Variants in XRCC5 observed in about 807,000 individuals in gnomAD.
The protein encoded by XRCC5 is DNA repair protein Ku80.
A neutral mutation model predicts 95.7 loss-of-function variants in XRCC5; 12 were observed. That is an observed-to-expected ratio of 0.13 (90% CI 0.08 to 0.20). XRCC5 has a LOEUF of 0.20. Among genes scored for constraint, XRCC5 ranks in the 10% least tolerant of loss-of-function variants. XRCC5 has a pLI of 1.00. For synonymous variants in XRCC5, 281 were observed against 290.3 expected (o/e 0.97, Z 0.33); for missense variants, 595 against 873.9 (o/e 0.68, Z 4.02).
chr2:216,173,844 G>C (rs903755808), intron 16 of XRCC5, among the ~76,000 whole-genome samples: 8 of 152,052 alleles, frequency 5.3e-5, no homozygotes, highest in African/African-American at 1.9e-4. Flanking sequence ...TCCAGCTGCC[G>C]GTGTCATGCT....
intron 8 of XRCC5, 128 bp downstream of exon 8, chr2:216,127,802 A>G: frequency 1.8e-6 from 2 of 1,119,930 alleles, no homozygotes; most frequent in South Asian, 1.8e-5. Flanking sequence ...TAACAGTTTG[A>G]AAGGATAATG....
intron 2 of XRCC5, 131 bp from the exon 3 acceptor site, chr2:216,116,528 C>G (rs1696700575): frequency 1.1e-6 from 1 of 933,348 alleles, no homozygotes; most frequent in Non-Finnish European, 1.7e-6. Context: ...ATGTTTCATC[C>G]CGCCCAATAC....
chr2:216,171,350 T>C (rs993677406), intron 16 of XRCC5, among the ~76,000 whole-genome samples: 7 of 152,134 alleles, frequency 4.6e-5, no homozygotes, highest in Non-Finnish European at 7.4e-5. Flanking sequence ...TGCTTGCTTC[T>C]TTGGCCAGAA....
intron 20 of XRCC5, 43 bp from the exon 21 acceptor site, chr2:216,205,138 GGTATGAA>G (rs1689918931): frequency 6.2e-7 from 1 of 1,609,782 alleles, no homozygotes; most frequent in Admixed American, 1.7e-5. Context: ...GAGAAGCAGT[GGTATGAA>G]ATTGGCCTGA....
At chr2:216,132,829 C>T (rs1487448072) in intron 10 of XRCC5, among the ~76,000 whole-genome samples, 2 of 152,168 alleles carry the variant, frequency 1.3e-5, no homozygotes, top group Admixed American at 1.3e-4. Context: ...TGGTTTTTCT[C>T]TAGCTAACAG....
intron 16 of XRCC5, among the ~76,000 whole-genome samples, chr2:216,188,270 A>G (rs970465269): frequency 2.6e-5 from 4 of 152,228 alleles, no homozygotes; most frequent in Admixed American, 6.5e-5. Flanking sequence ...TTAAAAATTC[A>G]AACCAATTAA....
At chr2:216,184,974 TC>T (rs1332594347) in intron 16 of XRCC5, among the ~76,000 whole-genome samples, 2 of 152,296 alleles carry the variant, frequency 1.3e-5, no homozygotes, top group African/African-American at 4.8e-5. Flanking sequence ...TCTAAAGACT[TC>T]CTACTGGGTT....
chr2:216,198,234 A>G (rs897972178), intron 19 of XRCC5, among the ~76,000 whole-genome samples: 13 of 152,206 alleles, frequency 8.5e-5, no homozygotes, highest in Admixed American at 5.9e-4. Context: ...TCTTGGACCA[A>G]TCATTTCTAA....
At chr2:216,204,499 TTTTAA>T in intron 20 of XRCC5, 103 bp downstream of exon 20, 1 of 1,313,402 alleles carries the variant, frequency 7.6e-7, no homozygotes, top group Non-Finnish European at 1.1e-6. Context: ...CTTATTTGTG[TTTTAA>T]TTTCCAATAC....
At chr2:216,156,872 C>G in intron 14 of XRCC5, 1 of 339,346 alleles carries the variant, frequency 2.9e-6, no homozygotes, top group South Asian at 2.6e-5. Context: ...ATGCTGGGCT[C>G]GGTGCCCACT....
chr2:216,204,116 T>A, intron 19 of XRCC5: 1 of 577,970 alleles, frequency 1.7e-6, no homozygotes, highest in Non-Finnish European at 3.1e-6. Context: ...TGAGTTAGTA[T>A]GGACTACTTG....
At chr2:216,199,808 A>AATT (rs1553581435) in intron 19 of XRCC5, among the ~76,000 whole-genome samples, 4 of 121,890 alleles carry the variant, frequency 3.3e-5, no homozygotes, top group East Asian at 2.6e-4. Flanking sequence ...TGGCATTGGG[A>AATT]TCTTTTTTTT....
In XRCC5 at chr2:216,192,698, T is replaced by A; in HGVS notation, c.2004T>A (p.Ile668=). 1.9e-6 allele frequency: 3 copies of A among 1,600,116 alleles called. No homozygotes were observed. Among genetic ancestry groups the A allele is most frequent in the Non-Finnish European group, 2.6e-6 (3 of 1,173,006 alleles). ...FLKALQEKVE[I]KQLNHFWEIV... ...AAGCCCTTCAAGAGAAAGTGGAAAT[T>A]AAACAATTAAATCATTTCTGGGAAA... The change falls in exon 18 of 21, where the codon ATT becomes ATA. Residue 668 remains isoleucine (I), a synonymous_variant. Transcript: ENST00000392132.
At position 216,190,271 on chromosome 2, in the gene XRCC5, T is replaced by C. The variant is rs1689590972; in HGVS notation, c.1881T>C (p.Asn627=). The C allele has an allele frequency of 6.2e-7, 1 of 1,614,008 alleles. No homozygotes were observed. Among genetic ancestry groups the C allele is most frequent in the Non-Finnish European group, 8.5e-7 (1 of 1,179,928 alleles). Residue 627 remains asparagine, a synonymous_variant, in exon 17 of 21, where the codon AAT becomes AAC. Transcript: ENST00000392132. The part of the protein sequence containing the change: ...INHIEQFLDT[N]ETPYFMKSID... ...ACATCGAACAGTTTTTGGATACTAA[T>C]GAAACACCGTATTTTATGAAGAGCA...
At chr2:216,188,348 A>G (rs1182837441) in intron 16 of XRCC5, among the ~76,000 whole-genome samples, 1 of 152,252 alleles carries the variant, frequency 6.6e-6, no homozygotes, top group African/African-American at 2.4e-5. Flanking sequence ...TATATGCATT[A>G]TATTCCCTAT....
Position 216,205,431 on chromosome 2 carries a change from G to T in XRCC5, c.*229G>T. ...TTATAAAGAGTCATTGTTATTTTCT[G>T]GTTGGTGTATTATTTTTTCTGTGGT... On this transcript the variant is annotated 3_prime_UTR_variant, in exon 21 of 21. Transcript: ENST00000392132. 1 of 542,652 alleles carries T rather than the reference G, an allele frequency of 1.8e-6. No individual in the cohort carries two copies. Among genetic ancestry groups the T allele is most frequent in the Non-Finnish European group, 3.3e-6 (1 of 305,254 alleles). 33.6% of individuals were successfully genotyped at this position (542,652 alleles called of 1,614,324 possible). A position where few individuals can be genotyped will look rare whatever the true frequency, so the allele number is the denominator to read the frequency against.
intron 13 of XRCC5, among the ~76,000 whole-genome samples, chr2:216,141,544 T>TC (rs1466928386): frequency 0.011 from 683 of 60,542 alleles, 16 homozygotes; most frequent in African/African-American, 0.047. Flanking sequence ...TCTTTTCTTT[T>TC]TTTTTTTTTT....
chr2:216,135,067 T>C (rs532509022), intron 10 of XRCC5, among the ~76,000 whole-genome samples: 1 of 150,942 alleles, frequency 6.6e-6, no homozygotes, highest in African/African-American at 2.4e-5. Flanking sequence ...TACAGGATTC[T>C]AATGGCCAGG....
At chr2:216,126,160 C>A in intron 7 of XRCC5, 129 bp downstream of exon 7, 1 of 693,734 alleles carries the variant, frequency 1.4e-6, no homozygotes, top group Non-Finnish European at 2.4e-6. Context: ...GTTCTCCCTG[C>A]TCATTTAATC....
Sources: gnomAD v4.1 joint callset for allele counts (sites outside exome capture counted in the v4.1 genomes callset) on GRCh38, gnomAD v4.1.1 for gene constraint, MANE v1.5 for transcripts, NCBI Gene and HGNC (gene_info 2026-07-23, HGNC 2026-07-21) for gene names.